Variants in TECPR2 observed in about 807,000 individuals in gnomAD.
TECPR2 encodes tectonin beta-propeller repeat-containing protein 2.
In TECPR2, 65 loss-of-function variants were observed where a neutral mutation model predicts 138.1. That is an observed-to-expected ratio of 0.47 (90% CI 0.39 to 0.58). TECPR2 has a LOEUF of 0.58. TECPR2 is among the 20% of genes least tolerant of loss of function. The pLI is 0.00. For missense variants in TECPR2, 1,553 were observed against 1,824.5 expected (o/e 0.85, Z 2.71); for synonymous variants, 746 against 749.8 (o/e 0.99, Z 0.08).
chr14:102,452,571 T>C lies in TECPR2; in HGVS notation c.3584T>C (p.Leu1195Pro). 1 of 1,609,602 alleles carries C rather than the reference T, an allele frequency of 6.2e-7. No individual in the cohort carries two copies. The highest frequency in any genetic ancestry group is 8.5e-7 in the Non-Finnish European group (1 of 1,178,554). The stretch of plus-strand genomic sequence containing the variant: ...CTCGGCCAGGTGTTCATCAGGACGC[T>C]CTCCAAGAGCTGCCCCACGGGCATG... ...DSLGQVFIRT[L>P]SKSCPTGMHW... is the part of the protein sequence containing the mutation. The change falls in exon 16 of 20, where the codon CTC (leucine) becomes CCC (proline). Residue 1195 changes from leucine (L) to proline (P), a missense_variant. Physicochemically the swap from Leu to Pro is moderately conservative, Grantham distance 98. Transcript: ENST00000359520.
intron 2 of TECPR2, among the ~76,000 whole-genome samples, chr14:102,384,749 G>T (rs927702495): frequency 3.4e-5 from 5 of 148,490 alleles, no homozygotes; most frequent in Non-Finnish European, 7.4e-5. Flanking sequence ...ATATGTATGT[G>T]TGTGTATATA....
rs1214655550 is a variant in TECPR2 at position 102,414,727 on chromosome 14, A to G, written c.572A>G (p.Gln191Arg). The G allele has an allele frequency of 1.9e-6, 3 of 1,614,270 alleles. No homozygotes were observed. Among genetic ancestry groups the G allele is most frequent in the Non-Finnish European group, 2.5e-6 (3 of 1,180,048 alleles). ...AAAGTGCTGCTGGTCTCTACTCTGC[A>G]AAGAAGTCTGCTCTTTTACACTGAA... The part of the protein sequence containing the change: ...SQKVLLVSTL[Q>R]RSLLFYTEEK... The change falls in exon 5 of 20, where the codon CAA becomes CGA. Residue 191 changes from glutamine to arginine, a missense_variant. Gln to Arg is a conservative substitution (Grantham distance 43, BLOSUM62 1). Transcript: ENST00000359520.
rs565236204 is a variant in TECPR2 at position 102,428,222 on chromosome 14, G to GTTTTT, written c.952-10_952-6dup. ...ACCGTTGTTTAGTTTTGTGTTTTTT[G>GTTTTT]TTTTTTTTTTTTTTTTTTTTTTGAC... On this transcript the variant is annotated intron_variant, in intron 6 of 19. Transcript: ENST00000359520. 1,453 of 1,058,254 alleles carry GTTTTT rather than the reference G, an allele frequency of 1.4e-3. 60 individuals carry two copies. The highest frequency in any genetic ancestry group is 4.7e-3 in the South Asian group (245 of 51,620). 65.6% of individuals were successfully genotyped at this position (1,058,254 alleles called of 1,614,324 possible). A position where few individuals can be genotyped will look rare whatever the true frequency, so the allele number is the denominator to read the frequency against.
Position 102,434,855 on chromosome 14 carries a change from G to C in TECPR2, c.2038G>C (p.Glu680Gln). 6.2e-7 allele frequency: 1 copy of C among 1,613,638 alleles called. No homozygotes were observed. Among genetic ancestry groups the C allele is most frequent in the Non-Finnish European group, 8.5e-7 (1 of 1,180,038 alleles). Residue 680 changes from glutamate to glutamine, a missense_variant, in exon 9 of 20, where the codon GAG becomes CAG. By Grantham distance (29) the Glu-to-Gln change is conservative. Coordinates refer to ENST00000359520, the MANE Select transcript of TECPR2 (RefSeq NM_014844.5). ...DEGSPVEPSQ[E>Q]QDILTSMEAS... ...AGGCAGCCCCGTGGAGCCCAGCCAA[G>C]AGCAGGACATCCTAACCAGCATGGA...
At chr14:102,484,583 G>T (rs1252693997) in intron 17 of TECPR2, among the ~76,000 whole-genome samples, 2 of 152,060 alleles carry the variant, frequency 1.3e-5, no homozygotes, top group African/African-American at 4.8e-5. Context: ...CTGAGTCCTT[G>T]CCATGCATCC....
chr14:102,440,808 G>A (rs1433481945), intron 11 of TECPR2, among the ~76,000 whole-genome samples, 199 bp downstream of exon 11: 1 of 152,180 alleles, frequency 6.6e-6, no homozygotes, highest in African/African-American at 2.4e-5. Context: ...ACTCAACCCA[G>A]GACAAATTTA....
chr14:102,450,660 C>G lies in TECPR2; in HGVS notation c.3406+11C>G. ...CTCCCACGAAGGAAGGTGGGTCAGT[C>G]TTAGCCTCACTGAAGAATCTAGAGC... On this transcript the variant is annotated intron_variant, in intron 15 of 19. Coordinates refer to ENST00000359520, the MANE Select transcript of TECPR2 (RefSeq NM_014844.5). 6.2e-7 allele frequency: 1 copy of G among 1,613,508 alleles called. No individual in the cohort carries two copies. The highest frequency in any genetic ancestry group is 8.5e-7 in the Non-Finnish European group (1 of 1,179,454).
chr14:102,443,520 T>G lies in TECPR2; in HGVS notation c.2753-127T>G, dbSNP rs1889890187. 2 of 853,780 alleles carry G rather than the reference T, an allele frequency of 2.3e-6. No individual in the cohort carries two copies. Among genetic ancestry groups the G allele is most frequent in the Admixed American group, 7.7e-5 (2 of 25,812 alleles). 52.9% of individuals were successfully genotyped at this position (853,780 alleles called of 1,614,324 possible). ...TAATTAATTAATTAAAGTTTTTTTT[T>G]AAAGCACTCATCATAAAAGAATATA... On this transcript the variant is annotated intron_variant, in intron 11 of 19. Coordinates refer to ENST00000359520, the MANE Select transcript of TECPR2 (RefSeq NM_014844.5). The surrounding 1 kb of genome is among the most constrained non-coding windows in gnomAD (Gnocchi z 4.9).
At chr14:102,425,816 T>TGCCC (rs1383157607) in intron 6 of TECPR2, among the ~76,000 whole-genome samples, 1 of 150,474 alleles carries the variant, frequency 6.6e-6, no homozygotes, top group African/African-American at 2.4e-5. Context: ...CCTCGTGATC[T>TGCCC]GCCCGCCTTG....
At chr14:102,492,621 G>A (rs1046911444) in intron 17 of TECPR2, among the ~76,000 whole-genome samples, 1 of 152,264 alleles carries the variant, frequency 6.6e-6, no homozygotes, top group Non-Finnish European at 1.5e-5. Flanking sequence ...GCATCGGGCT[G>A]GGCTGGAGCT....
At chr14:102,497,169 A>T in intron 18 of TECPR2, 49 bp downstream of exon 18, 7 of 1,587,162 alleles carry the variant, frequency 4.4e-6, no homozygotes, top group Non-Finnish European at 5.1e-6. Flanking sequence ...CGGGGCTACC[A>T]TCACTGGGGG....
chr14:102,385,295 G>C (rs1887966448), intron 2 of TECPR2, among the ~76,000 whole-genome samples: 1 of 152,084 alleles, frequency 6.6e-6, no homozygotes, highest in African/African-American at 2.4e-5. Context: ...CATGAGGAGG[G>C]CATTAATCTA....
chr14:102,445,698 C>G, intron 12 of TECPR2, 108 bp from the exon 13 acceptor site: 2 of 1,411,450 alleles, frequency 1.4e-6, no homozygotes, highest in Non-Finnish European at 1.9e-6. Flanking sequence ...AGGGCCACGT[C>G]TCTTCTCCCA....
At chr14:102,417,021 G>A (rs1463198515) in intron 5 of TECPR2, among the ~76,000 whole-genome samples, 2 of 152,050 alleles carry the variant, frequency 1.3e-5, no homozygotes, top group African/African-American at 2.4e-5. Flanking sequence ...AACAAACCTG[G>A]CCCTTTAACC....
At position 102,497,649 on chromosome 14, in the gene TECPR2, C is replaced by T. The variant is rs531905416; in HGVS notation, c.4011C>T (p.Tyr1337=). The part of the protein sequence containing the change: ...RCPNGDLARR[Y]GVTDKNPAGD... ...CAAACGGAGACCTCGCCCGGCGGTA[C>T]GGCGTCACAGACAAGAACCCCGCCG... Residue 1337 remains tyrosine, a synonymous_variant, in exon 19 of 20, where the codon TAC becomes TAT. Transcript: ENST00000359520. 4.5e-5 allele frequency: 73 copies of T among 1,608,532 alleles called. 1 individual carries two copies. Among genetic ancestry groups the T allele is most frequent in the Middle Eastern group, 1.6e-4 (1 of 6,070 alleles).
In TECPR2 at chr14:102,496,982, G is replaced by A. The variant is rs140840591; in HGVS notation, c.3793G>A (p.Ala1265Thr). ...GAAAGTCCCTTCCCGCTTCCAGCCC[G>A]CCGGGGTCAGCTTGGTCAGCGTCCA... is the stretch of plus-strand genomic sequence containing the variant. ...WIMIEPPVQP[A>T]GVSLVSVHSS... The change falls in exon 18 of 20, where the codon GCC (alanine) becomes ACC (threonine). Residue 1265 changes from alanine (A) to threonine (T), a missense_variant. Coordinates refer to ENST00000359520, the MANE Select transcript of TECPR2 (RefSeq NM_014844.5). 191 of 1,613,378 alleles carry A rather than the reference G, an allele frequency of 1.2e-4. No individual in the cohort carries two copies. The highest frequency in any genetic ancestry group is 1.6e-4 in the Non-Finnish European group (184 of 1,179,840).
At position 102,457,126 on chromosome 14, in the gene TECPR2, C is replaced by T. The variant is rs527388962; in HGVS notation, c.3640+4499C>T. Among the ~76,000 whole-genome samples, 15 of 152,216 alleles carry T rather than the reference C, an allele frequency of 9.9e-5. No homozygotes were observed. In the East Asian group the frequency reaches 2.5e-3, roughly 25 times the overall value. ...TTGAGACAGAGTCTTACTCTGTTGC[C>T]TAGGCTGGAGTGCAGTGACACAATC... is the stretch of plus-strand genomic sequence containing the variant. On this transcript the variant is annotated intron_variant, in intron 16 of 19. Coordinates refer to ENST00000359520, the MANE Select transcript of TECPR2 (RefSeq NM_014844.5).
intron 17 of TECPR2, among the ~76,000 whole-genome samples, chr14:102,481,848 G>C (rs369258288): frequency 1.3e-5 from 2 of 150,308 alleles, no homozygotes; most frequent in South Asian, 2.2e-4. Flanking sequence ...TGCATCCCCC[G>C]TCCCCCATTC....
At chr14:102,488,554 G>A (rs2139794594) in intron 17 of TECPR2, among the ~76,000 whole-genome samples, 1 of 151,768 alleles carries the variant, frequency 6.6e-6, no homozygotes, top group South Asian at 2.1e-4. Context: ...ATATTGGTCA[G>A]GCTGGTCTCA....
Sources: allele counts gnomAD v4.1 joint callset (sites outside exome capture counted in the v4.1 genomes callset), GRCh38; gene constraint gnomAD v4.1.1; non-coding constraint Gnocchi (gnomAD v3.1); transcripts MANE v1.5; gene names NCBI Gene and HGNC (gene_info 2026-07-23, HGNC 2026-07-21).